KCNH6: variants seen among roughly 807,000 people sequenced by gnomAD.
The protein encoded by KCNH6 is potassium voltage-gated channel subfamily H member 6.
In KCNH6, 81 loss-of-function variants were observed where a neutral mutation model predicts 83.4. The ratio of observed to expected loss-of-function variants is 0.97; its 90% confidence interval spans 0.81 to 1.17. The LOEUF is 1.17. KCNH6 is among the 50% of genes most tolerant of loss of function. The pLI, the probability that KCNH6 is intolerant of heterozygous loss-of-function variation, is 0.00. For synonymous variants in KCNH6, 503 were observed against 545.6 expected, an observed-to-expected ratio of 0.92 and a Z score of 1.09; for missense variants, 1,203 against 1,290.5, an observed-to-expected ratio of 0.93 and a Z score of 1.04.
At chr17:63,541,104 C>A (rs1340535832) in intron 8 of KCNH6, among the ~76,000 whole-genome samples, 2 of 152,136 alleles carry the variant, frequency 1.3e-5, no homozygotes, top group African/African-American at 4.8e-5. Context: ...ACCTATCTTG[C>A]AGGGATTTGG....
chr17:63,544,250 T>C lies in KCNH6; in HGVS notation c.2235T>C (p.Asp745=), dbSNP rs1348818548. The change falls in exon 11 of 13, where the codon GAT becomes GAC. Residue 745 remains aspartate (D), a splice_region_variant and synonymous_variant. Transcript: ENST00000314672. ...QGFFLSDNQS[D]AAPPLSISDA... ...GAGACTTCCCTTTCCCTCCTGCAGATGCAGCCCCTCCCCTGAGCATCTCAG... is the reference window on the plus strand; with the variant it reads ...GAGACTTCCCTTTCCCTCCTGCAGACGCAGCCCCTCCCCTGAGCATCTCAG... The C allele has an allele frequency of 6.3e-7, 1 of 1,581,596 alleles. No homozygotes were observed. The highest frequency in any genetic ancestry group is 8.6e-7 in the Non-Finnish European group (1 of 1,161,052).
At position 63,534,337 on chromosome 17, in the gene KCNH6, A is replaced by G. The variant is rs1286543656; in HGVS notation, c.1101+26A>G. 17 of 1,588,540 alleles carry G rather than the reference A, an allele frequency of 1.1e-5. No individual in the cohort carries two copies. In the Middle Eastern group the frequency reaches 1.7e-3, roughly 157 times the overall value. ...GTGAGCAGACCCCCTCCAGGCCAGC[A>G]GCCATGGCTGTCCTCTGCACGCTGG... On this transcript the variant is annotated intron_variant, in intron 5 of 12. Transcript: ENST00000314672. The surrounding 1 kb of genome is among the most constrained non-coding windows in gnomAD (Gnocchi z 5.0).
chr17:63,546,899 G>A (rs1212982261), downstream of KCNH6, among the ~76,000 whole-genome samples: 4 of 152,304 alleles, frequency 2.6e-5, no homozygotes, highest in South Asian at 4.1e-4. Flanking sequence ...CTGTTAGGCC[G>A]AGGTGAAGGG....
Position 63,538,710 on chromosome 17 carries a change from G to A in KCNH6, c.1954+48G>A, listed in dbSNP as rs113530527. On this transcript the variant is annotated intron_variant, in intron 8 of 12. Coordinates refer to ENST00000314672, the MANE Select transcript of KCNH6 (RefSeq NM_001278919.2). The surrounding 1 kb of genome is among the most constrained non-coding windows in gnomAD (Gnocchi z 4.0). ...GGCCTGTGTTGGGGATTGGATGGAA[G>A]AGGGCGGGATTGGAGATGCCCTGCC... is the stretch of plus-strand genomic sequence containing the variant. 1.8e-3 allele frequency: 2,780 copies of A among 1,521,122 alleles called. 36 individuals carry two copies. The African/African-American group carries it at 0.033, about 18-fold the overall frequency. 94.2% of individuals were successfully genotyped at this position (1,521,122 alleles called of 1,614,324 possible).
rs770560759 is a variant in KCNH6, at chr17:63,545,314, C to T, written c.2583+50C>T. ...GGCTTACCTGCGAGCAGCTGCATGC[C>T]TTCCCTACCCTGACTTGTTCACAGT... is the stretch of plus-strand genomic sequence containing the variant. On this transcript the variant is annotated intron_variant, in intron 12 of 12. Coordinates refer to ENST00000314672, the MANE Select transcript of KCNH6 (RefSeq NM_001278919.2). 3.2e-6 allele frequency: 5 copies of T among 1,575,288 alleles called. No individual in the cohort carries two copies. The East Asian group carries it at 1.1e-4, about 35-fold the overall frequency.
chr17:63,537,396 G>A (rs2032566078), intron 6 of KCNH6, among the ~76,000 whole-genome samples: 1 of 152,180 alleles, frequency 6.6e-6, no homozygotes, highest in Admixed American at 6.5e-5. Flanking sequence ...GGAAGAAAAT[G>A]GGTGAAAACA....
At chr17:63,524,856 C>A (rs2031598541) in intron 2 of KCNH6, among the ~76,000 whole-genome samples, 1 of 152,120 alleles carries the variant, frequency 6.6e-6, no homozygotes, top group Admixed American at 6.5e-5. Context: ...TGGAGTTTTC[C>A]CTGACCAAGA....
chr17:63,537,138 T>A (rs2032554256), intron 6 of KCNH6, among the ~76,000 whole-genome samples: 1 of 152,048 alleles, frequency 6.6e-6, no homozygotes, highest in East Asian at 1.9e-4. Flanking sequence ...GAGCCTGGTT[T>A]ACAAAGCAAG....
In KCNH6 at chr17:63,534,732, G is replaced by T. The variant is rs117608462; in HGVS notation, c.1101+421G>T. On this transcript the variant is annotated intron_variant, in intron 5 of 12. Coordinates refer to ENST00000314672, the MANE Select transcript of KCNH6 (RefSeq NM_001278919.2). This position sits in a 1 kb window ranked among gnomAD's most constrained non-coding sequence, Gnocchi z 5.0. ...GTCCACCTGGCTGCCCATAGGTGAC[G>T]TGAAGGCATCTACATGCCTTTCTCA... 4.6e-3 allele frequency among the ~76,000 whole-genome samples: 705 copies of T among 152,218 alleles called. 8 individuals carry two copies. The highest frequency in any genetic ancestry group is 0.026 in the East Asian group (132 of 5,176).
chr17:63,529,725 A>G (rs2031955095), intron 2 of KCNH6, among the ~76,000 whole-genome samples: 1 of 152,070 alleles, frequency 6.6e-6, no homozygotes, highest in South Asian at 2.1e-4. Context: ...ACCCAGCTCC[A>G]TGGGGTAGAA....
rs543624399 is a variant in KCNH6 at position 63,535,644 on chromosome 17, T to C, written c.1102-25T>C. ...CCCTTCCAAGGGCTGACCCCAGCCCTGTGACCATTTCCCTACCCCTCCAGA... is the reference window on the plus strand; with the variant it reads ...CCCTTCCAAGGGCTGACCCCAGCCCCGTGACCATTTCCCTACCCCTCCAGA... On this transcript the variant is annotated intron_variant, in intron 5 of 12. Transcript: ENST00000314672. This position sits in a 1 kb window ranked among gnomAD's most constrained non-coding sequence, Gnocchi z 4.9. 8 of 1,577,350 alleles carry C rather than the reference T, an allele frequency of 5.1e-6. 1 individual carries two copies. The East Asian group carries it at 1.1e-4, about 22-fold the overall frequency.
At position 63,538,460 on chromosome 17, in the gene KCNH6, G is replaced by T. The variant is rs1425728918; in HGVS notation, c.1752G>T (p.Leu584=). The T allele has an allele frequency of 6.2e-7, 1 of 1,604,298 alleles. No individual in the cohort carries two copies. ...ECLQADICLH[L]HRALLQHCPA... is the part of the protein sequence containing the mutation. ...TGCAGGCTGACATCTGCCTGCACCT[G>T]CACCGCGCACTGCTGCAGCACTGCC... is the stretch of plus-strand genomic sequence containing the variant. Residue 584 remains leucine, a synonymous_variant, in exon 8 of 13, where the codon CTG becomes CTT. Transcript: ENST00000314672. This position sits in a 1 kb window ranked among gnomAD's most constrained non-coding sequence, Gnocchi z 4.0.
In KCNH6 at chr17:63,535,529, A is replaced by T; in HGVS notation, c.1102-140A>T. On this transcript the variant is annotated intron_variant, in intron 5 of 12. Coordinates refer to ENST00000314672, the MANE Select transcript of KCNH6 (RefSeq NM_001278919.2). This position sits in a 1 kb window ranked among gnomAD's most constrained non-coding sequence, Gnocchi z 4.9. ...TGTCCCATACTGTGCCACACTGCCAAGTGCGTGGCCCGGAGGAAGTTCTCC... is the reference window on the plus strand; with the variant it reads ...TGTCCCATACTGTGCCACACTGCCATGTGCGTGGCCCGGAGGAAGTTCTCC... The T allele has an allele frequency of 1.3e-6, 1 of 743,544 alleles. No individual in the cohort carries two copies. The highest frequency in any genetic ancestry group is 2.2e-6 in the Non-Finnish European group (1 of 460,942). 46.1% of individuals were successfully genotyped at this position (743,544 alleles called of 1,614,324 possible).
At chr17:63,541,249 C>T (rs1435265234) in intron 8 of KCNH6, among the ~76,000 whole-genome samples, 1 of 151,952 alleles carries the variant, frequency 6.6e-6, no homozygotes, top group Non-Finnish European at 1.5e-5. Flanking sequence ...TGGGATATTC[C>T]CCCTTGCCTT....
intron 10 of KCNH6, 196 bp from the exon 11 acceptor site, chr17:63,544,053 T>TA (rs1216495516): frequency 6.2e-7 from 1 of 1,603,694 alleles, no homozygotes; most frequent in Non-Finnish European, 8.5e-7. Flanking sequence ...CTCTAAGGGC[T>TA]ACAGCCTCCT....
At position 63,538,447 on chromosome 17, in the gene KCNH6, T is replaced by A; in HGVS notation, c.1739T>A (p.Ile580Asn). 1 of 1,604,074 alleles carries A rather than the reference T, an allele frequency of 6.2e-7. No homozygotes were observed. Among genetic ancestry groups the A allele is most frequent in the Non-Finnish European group, 8.5e-7 (1 of 1,175,948 alleles). The change falls in exon 8 of 13, where the codon ATC becomes AAC. Residue 580 changes from isoleucine (I) to asparagine (N), a missense_variant. By Grantham distance (149) the Ile-to-Asn change is moderately radical. Transcript: ENST00000314672. This position sits in a 1 kb window ranked among gnomAD's most constrained non-coding sequence, Gnocchi z 4.0. The stretch of plus-strand genomic sequence containing the variant: ...TTCCCCGAGTGCCTGCAGGCTGACA[T>A]CTGCCTGCACCTGCACCGCGCACTG... ...KGFPECLQAD[I>N]CLHLHRALLQ...
intron 4 of KCNH6, among the ~76,000 whole-genome samples, chr17:63,530,996 C>T (rs2032070673): frequency 6.6e-6 from 1 of 152,210 alleles, no homozygotes. Context: ...AAGCCACCCT[C>T]CCTACTTCCT....
In KCNH6 at chr17:63,543,663, G is replaced by T; in HGVS notation, c.2233+3G>T. The stretch of plus-strand genomic sequence containing the variant: ...CTTTCTCAGTGACAACCAGTCAGGT[G>T]AGCAAAGCCAGCCCCCACCCCCACC... On this transcript the variant is annotated splice_donor_region_variant and intron_variant, in intron 10 of 12. Transcript: ENST00000314672. The T allele has an allele frequency of 6.2e-7, 1 of 1,604,698 alleles. No individual in the cohort carries two copies. The highest frequency in any genetic ancestry group is 8.5e-7 in the Non-Finnish European group (1 of 1,172,314).
intron 4 of KCNH6, among the ~76,000 whole-genome samples, chr17:63,530,790 G>A (rs946260593): frequency 2.6e-5 from 4 of 152,232 alleles, no homozygotes; most frequent in African/African-American, 7.2e-5. Context: ...AGTAGGGCCT[G>A]TGAATGATGC....
Sources: gnomAD v4.1 joint callset for allele counts (sites outside exome capture counted in the v4.1 genomes callset) on GRCh38, gnomAD v4.1.1 for gene constraint, Gnocchi (gnomAD v3.1) non-coding constraint, MANE v1.5 for transcripts, NCBI Gene and HGNC (gene_info 2026-07-23, HGNC 2026-07-21) for gene names.